Variants in WWP1 observed in about 807,000 individuals in gnomAD.
WWP1 encodes WW domain containing E3 ubiquitin protein ligase 1.
A neutral mutation model predicts 130.6 loss-of-function variants in WWP1; 49 were observed. That is an observed-to-expected ratio of 0.38 (90% CI 0.30 to 0.48). WWP1 has a LOEUF of 0.48. Ranked by LOEUF, WWP1 falls within the 20% of genes least tolerant of loss-of-function variation. The pLI is 0.99. For synonymous variants in WWP1, 332 were observed against 367.8 expected, an observed-to-expected ratio of 0.90 and a Z score of 1.11; for missense variants, 809 against 1,100.6, an observed-to-expected ratio of 0.74 and a Z score of 3.75.
chr8:86,383,776 C>T (rs1825126289), intron 5 of WWP1, among the ~76,000 whole-genome samples: 1 of 152,078 alleles, frequency 6.6e-6, no homozygotes, highest in Admixed American at 6.6e-5. Flanking sequence ...AAAATTATCT[C>T]TGTGATTTAA....
chr8:86,406,210 A>T (rs1227460522), intron 8 of WWP1, among the ~76,000 whole-genome samples: 2 of 152,228 alleles, frequency 1.3e-5, no homozygotes, highest in African/African-American at 4.8e-5. Context: ...AATTTATGAA[A>T]AGAGGATAAT....
intron 22 of WWP1, 95 bp from the exon 23 acceptor site, chr8:86,461,127 CCA>C: frequency 8.7e-7 from 1 of 1,146,732 alleles, no homozygotes; most frequent in Non-Finnish European, 1.3e-6. Context: ...ATCTTTTGAA[CCA>C]ATTCAGTGTT....
intron 22 of WWP1, among the ~76,000 whole-genome samples, chr8:86,459,023 C>CTTTTTTTTTTTTTTTT (rs71275853): frequency 4.7e-5 from 4 of 84,256 alleles, no homozygotes; most frequent in Non-Finnish European, 6.2e-5. Flanking sequence ...TTTCTTTTTT[C>CTTTTTTTTTTTTTTTT]TTTTTTTTTT....
At chr8:86,452,380 C>T (rs1172916941) in intron 20 of WWP1, among the ~76,000 whole-genome samples, 179 bp from the exon 21 acceptor site, 3 of 151,694 alleles carry the variant, frequency 2.0e-5, no homozygotes, top group Non-Finnish European at 4.4e-5. Context: ...AACTGATTTC[C>T]TCAAATGTGT....
intron 9 of WWP1, among the ~76,000 whole-genome samples, chr8:86,421,850 T>A (rs1809232301): frequency 6.6e-6 from 1 of 152,070 alleles, no homozygotes; most frequent in Non-Finnish European, 1.5e-5. Flanking sequence ...TTTGAAAATA[T>A]AAATTTACCA....
intron 17 of WWP1, 89 bp downstream of exon 17, chr8:86,438,762 G>T: frequency 1.8e-6 from 2 of 1,108,862 alleles, no homozygotes; most frequent in African/African-American, 1.6e-5. Flanking sequence ...TGAATATATT[G>T]TATTAAATTT....
intron 22 of WWP1, among the ~76,000 whole-genome samples, chr8:86,460,612 T>C (rs1165356048): frequency 6.6e-6 from 1 of 152,094 alleles, no homozygotes; most frequent in Non-Finnish European, 1.5e-5. Flanking sequence ...TGACCTTACA[T>C]AAATGACTTA....
rs539413272 is a variant in WWP1, at chr8:86,424,796, A to G, written c.1062-427A>G. The stretch of plus-strand genomic sequence containing the variant: ...GCTTGGCATCAGAGGGAGAGCGTGG[A>G]AAGAGAGGGAGAGGGAGACTGTGGG... On this transcript the variant is annotated intron_variant, in intron 9 of 24. Transcript: ENST00000517970. 9.1e-5 allele frequency among the ~76,000 whole-genome samples: 11 copies of G among 120,940 alleles called. No individual in the cohort carries two copies. The East Asian group carries it at 2.3e-3, about 26-fold the overall frequency. The allele number at this position is 120,940 out of a possible 152,430, so 79.3% of individuals were successfully genotyped here. A position where few individuals can be genotyped will look rare whatever the true frequency, so the allele number is the denominator to read the frequency against.
Position 86,402,163 on chromosome 8 carries a change from A to G in WWP1, c.684A>G (p.Pro228=), listed in dbSNP as rs1443447473. ...TTGCTGCCAGACCCAAAAATACACC[A>G]GCTCCAAAACCACTCGCATCTGAGC... The part of the protein sequence containing the change: ...SQVAARPKNT[P]APKPLASEPA... Residue 228 remains proline, a synonymous_variant, in exon 8 of 25, where the codon CCA becomes CCG. Coordinates refer to ENST00000517970, the MANE Select transcript of WWP1 (RefSeq NM_007013.4). The G allele has an allele frequency of 6.2e-7, 1 of 1,614,150 alleles. No homozygotes were observed. The highest frequency in any genetic ancestry group is 1.1e-5 in the South Asian group (1 of 91,072).
intron 17 of WWP1, among the ~76,000 whole-genome samples, chr8:86,440,375 C>G (rs1810525295): frequency 6.6e-6 from 1 of 152,102 alleles, no homozygotes; most frequent in African/African-American, 2.4e-5. Context: ...TTGATATATT[C>G]CTACAGTCTT....
At chr8:86,387,949 T>G (rs1220970350) in intron 5 of WWP1, among the ~76,000 whole-genome samples, 1 of 152,258 alleles carries the variant, frequency 6.6e-6, no homozygotes, top group Non-Finnish European at 1.5e-5. Context: ...ATTCTGTATC[T>G]CTGCTATCCA....
At chr8:86,459,023 CTTTTTTTTTTTTTTT>C (rs71275853) in intron 22 of WWP1, among the ~76,000 whole-genome samples, 4 of 84,260 alleles carry the variant, frequency 4.7e-5, no homozygotes, top group Admixed American at 1.7e-4. Flanking sequence ...TTTCTTTTTT[CTTTTTTTTTTTTTTT>C]TTTTTTTTTG....
At chr8:86,413,144 CT>C (rs1458986413) in intron 9 of WWP1, among the ~76,000 whole-genome samples, 1 of 152,076 alleles carries the variant, frequency 6.6e-6, no homozygotes, top group African/African-American at 2.4e-5. Flanking sequence ...ATCATTTTAA[CT>C]ATTAAATCTA....
chr8:86,414,255 G>A (rs958001119), intron 9 of WWP1, among the ~76,000 whole-genome samples: 8 of 152,074 alleles, frequency 5.3e-5, no homozygotes, highest in Non-Finnish European at 1.0e-4. Context: ...GTGTATGTGT[G>A]TGTATGTAAG....
chr8:86,466,611 A>T (rs1348977905), intron 24 of WWP1, among the ~76,000 whole-genome samples, 183 bp from the exon 25 acceptor site: 1 of 151,742 alleles, frequency 6.6e-6, no homozygotes, highest in Non-Finnish European at 1.5e-5. Flanking sequence ...TTCCTCTTGG[A>T]GATGTTAAAA....
At chr8:86,361,156 G>T (rs1823571342) in intron 1 of WWP1, among the ~76,000 whole-genome samples, 1 of 152,188 alleles carries the variant, frequency 6.6e-6, no homozygotes. Context: ...TCTAGGTTGG[G>T]AGTGAAGAGT....
At chr8:86,349,007 G>A (rs1822759804) in intron 1 of WWP1, among the ~76,000 whole-genome samples, 1 of 152,070 alleles carries the variant, frequency 6.6e-6, no homozygotes, top group Non-Finnish European at 1.5e-5. Flanking sequence ...GCTCACAAGA[G>A]TACAAAACAG....
intron 14 of WWP1, among the ~76,000 whole-genome samples, chr8:86,432,885 G>C (rs1810065078): frequency 6.6e-6 from 1 of 152,228 alleles, no homozygotes; most frequent in Non-Finnish European, 1.5e-5. Flanking sequence ...TGGGATTACA[G>C]GCGTGAGCCA....
intron 9 of WWP1, among the ~76,000 whole-genome samples, chr8:86,424,762 C>T (rs1470920522): frequency 6.8e-6 from 1 of 147,520 alleles, no homozygotes; most frequent in Non-Finnish European, 1.5e-5. Context: ...GCGGTACAGT[C>T]CAGCTTCGGC....
Sources: allele counts gnomAD v4.1 joint callset (sites outside exome capture counted in the v4.1 genomes callset), GRCh38; gene constraint gnomAD v4.1.1; transcripts MANE v1.5; gene names NCBI Gene and HGNC (gene_info 2026-07-23, HGNC 2026-07-21).